XIRP2: variants seen among roughly 807,000 people sequenced by gnomAD.
XIRP2 encodes xin actin binding repeat containing 2.
Under a neutral mutation model 277.0 loss-of-function variants are expected in XIRP2, and 236 were observed. The ratio of observed to expected loss-of-function variants is 0.85; its 90% CI spans 0.77 to 0.95. The LOEUF (loss-of-function observed/expected upper bound fraction) is 0.95, where lower values mean the gene tolerates loss of function less well. Ranked by LOEUF, XIRP2 falls within the 40% of genes least tolerant of loss-of-function variation. XIRP2 has a pLI of 0.00. For synonymous variants in XIRP2, 1,490 were observed against 1,416.5 expected (o/e 1.05, Z -1.17); for missense variants, 4,640 against 4,157.5 (o/e 1.12, Z -3.19).
In XIRP2 at chr2:167,248,960, C is replaced by T. The variant is rs1456895639; in HGVS notation, c.7568C>T (p.Ser2523Leu). 3 of 1,613,612 alleles carry T rather than the reference C, an allele frequency of 1.9e-6. No homozygotes were observed. Among genetic ancestry groups the T allele is most frequent in the Non-Finnish European group, 2.5e-6 (3 of 1,179,796 alleles). ...ATTGCGCCTCTTATAAAATCTCATT[C>T]ATTTCCAGAGAGTTCAGGACAACAA... Reference protein sequence around the residue: ...KQIAPLIKSHSFPESSGQQNP... With the variant: ...KQIAPLIKSHLFPESSGQQNP... Residue 2523 changes from serine to leucine, a missense_variant, in exon 9 of 11, where the codon TCA becomes TTA. Transcript: ENST00000409195.
chr2:167,122,845 A>T (rs1009661896), intron 2 of XIRP2, among the ~76,000 whole-genome samples: 2 of 152,170 alleles, frequency 1.3e-5, no homozygotes, highest in African/African-American at 4.8e-5. Flanking sequence ...AACATGTCTT[A>T]CTGCATGTGT....
intron 2 of XIRP2, among the ~76,000 whole-genome samples, chr2:166,987,782 C>T (rs925554456): frequency 1.3e-5 from 2 of 152,100 alleles, no homozygotes; most frequent in African/African-American, 4.8e-5. Flanking sequence ...TGAAGGAGTT[C>T]TCAATGTTCT....
At chr2:167,044,161 T>A (rs901801977) in intron 2 of XIRP2, among the ~76,000 whole-genome samples, 2 of 151,886 alleles carry the variant, frequency 1.3e-5, no homozygotes, top group Non-Finnish European at 2.9e-5. Flanking sequence ...CAAACAGAAT[T>A]AAAAGCAAAA....
chr2:166,934,752 C>T (rs1331781989), intron 2 of XIRP2, among the ~76,000 whole-genome samples: 2 of 152,100 alleles, frequency 1.3e-5, no homozygotes, highest in Admixed American at 6.6e-5. Flanking sequence ...GTGGCTCACA[C>T]CTGTAAACCC....
chr2:166,956,334 C>A (rs1686160156), intron 2 of XIRP2, among the ~76,000 whole-genome samples: 3 of 151,742 alleles, frequency 2.0e-5, no homozygotes, highest in Non-Finnish European at 4.4e-5. Context: ...TTGCTAATAT[C>A]CTTTGTTAAC....
In XIRP2 at chr2:167,087,777, G is replaced by A. The variant is rs370129384; in HGVS notation, c.409-48132G>A. On this transcript the variant is annotated intron_variant, in intron 2 of 10. Coordinates refer to ENST00000409195, the MANE Select transcript of XIRP2 (RefSeq NM_152381.6). ...TGACCCCTTGCGCTTCCCAAGTGAG[G>A]CAATGCCTCGCCCTGCTTCGGCTCG... 1.4e-3 allele frequency among the ~76,000 whole-genome samples: 216 copies of A among 151,820 alleles called. 8 individuals carry two copies. In the East Asian group the frequency reaches 0.037, roughly 26 times the overall value.
In XIRP2 at chr2:166,888,575, A is replaced by G. The variant is rs1684015392; in HGVS notation, c.-19+18A>G. On this transcript the variant is annotated intron_variant, in intron 1 of 10. Coordinates refer to ENST00000409195, the MANE Select transcript of XIRP2 (RefSeq NM_152381.6). ...GAAAAAAGGTAAGATTTTCCTAAGA[A>G]AAACCACTTCTTTCATAATTTTTTC... 6.6e-6 allele frequency: 1 copy of G among 152,190 alleles called. No homozygotes were observed. 9.4% of individuals were successfully genotyped at this position (152,190 alleles called of 1,614,324 possible).
Position 166,963,269 on chromosome 2 carries a change from TTTA to T in XIRP2, c.408+59381_408+59383del, listed in dbSNP as rs1165174281. 2.6e-5 allele frequency among the ~76,000 whole-genome samples: 4 copies of T among 151,508 alleles called. No homozygotes were observed. In the East Asian group the frequency reaches 7.9e-4, roughly 30 times the overall value. On this transcript the variant is annotated intron_variant, in intron 2 of 10. Transcript: ENST00000409195. ...ATAGCAGTGGATACATATATGACTA[TTTA>T]TATATTTATTTAGCAGTCCTTTTAT...
At position 167,258,808 on chromosome 2, in the gene XIRP2, T is replaced by C; in HGVS notation, c.*991T>C. The C allele has an allele frequency of 1.2e-6, 2 of 1,613,138 alleles. No individual in the cohort carries two copies. Among genetic ancestry groups the C allele is most frequent in the Admixed American group, 1.7e-5 (1 of 59,828 alleles). ...AATATGAAATTGAGAAGTTAGAAAA[T>C]ACATCTAGAATCTCAGAGTTACTTG... On this transcript the variant is annotated 3_prime_UTR_variant, in exon 11 of 11. Transcript: ENST00000409195.
chr2:167,054,762 C>T (rs1223412252), intron 2 of XIRP2, among the ~76,000 whole-genome samples: 1 of 151,958 alleles, frequency 6.6e-6, no homozygotes, highest in East Asian at 1.9e-4. Flanking sequence ...TAGAGTTAAC[C>T]TTAATTGGGA....
At chr2:167,214,982 T>C (rs73029722) in intron 4 of XIRP2, among the ~76,000 whole-genome samples, 2,929 of 152,318 alleles carry the variant, frequency 0.019, 52 homozygotes, top group African/African-American at 0.05. Flanking sequence ...AGCATAATAC[T>C]AAGGCTTGCC....
Position 167,244,660 on chromosome 2 carries a change from G to GA in XIRP2, c.3269dup (p.Asp1090GlufsTer6). 1 of 1,613,466 alleles carries GA rather than the reference G, an allele frequency of 6.2e-7. No homozygotes were observed. Among genetic ancestry groups the GA allele is most frequent in the East Asian group, 2.2e-5 (1 of 44,820 alleles). On this transcript the variant is annotated frameshift_variant, in exon 9 of 11. Transcript: ENST00000409195. LOFTEE classifies it high-confidence loss of function. The stretch of plus-strand genomic sequence containing the variant: ...ACAAACTAGAGATATTGTTAAAGGG[G>GA]ATGTCAAAACCTGTAAATGGCTTTT...
intron 2 of XIRP2, among the ~76,000 whole-genome samples, chr2:167,010,354 A>T (rs996828556): frequency 4.0e-5 from 6 of 151,396 alleles, no homozygotes; most frequent in African/African-American, 1.5e-4. Flanking sequence ...TGTTTTTCTC[A>T]GGTTTGTCAA....
chr2:166,936,649 G>A (rs1411492767), intron 2 of XIRP2, among the ~76,000 whole-genome samples: 2 of 152,206 alleles, frequency 1.3e-5, no homozygotes, highest in Non-Finnish European at 2.9e-5. Context: ...AGTTGTCCCA[G>A]AACCATTTAT....
At chr2:167,163,422 T>C (rs1054908914) in intron 3 of XIRP2, among the ~76,000 whole-genome samples, 1 of 152,228 alleles carries the variant, frequency 6.6e-6, no homozygotes, top group Admixed American at 6.5e-5. Flanking sequence ...ACTGATGATA[T>C]TGAACATTTT....
At chr2:167,022,046 A>G (rs772305458) in intron 2 of XIRP2, among the ~76,000 whole-genome samples, 5 of 152,142 alleles carry the variant, frequency 3.3e-5, no homozygotes, top group African/African-American at 9.7e-5. Flanking sequence ...TTCATGTAAT[A>G]TATTAATGAT....
intron 2 of XIRP2, among the ~76,000 whole-genome samples, chr2:167,103,738 C>G (rs1690544851): frequency 6.6e-6 from 1 of 152,014 alleles, no homozygotes; most frequent in African/African-American, 2.4e-5. Flanking sequence ...AACACTTTTG[C>G]TAAATGGAAT....
chr2:167,118,252 G>A (rs7585980), intron 2 of XIRP2, among the ~76,000 whole-genome samples: 9,143 of 151,986 alleles, frequency 0.06, 517 homozygotes, highest in African/African-American at 0.15. Context: ...GGCCGTGATG[G>A]GCAGATTGCC....
intron 7 of XIRP2, among the ~76,000 whole-genome samples, chr2:167,241,225 C>G (rs148698258): frequency 3.7e-4 from 54 of 147,772 alleles, no homozygotes; most frequent in Admixed American, 3.5e-3. Context: ...GTTTTGCTAC[C>G]CTGAAGAGCT....
Sources: gnomAD v4.1 joint callset for allele counts (sites outside exome capture counted in the v4.1 genomes callset) on GRCh38, gnomAD v4.1.1 for gene constraint, MANE v1.5 for transcripts, NCBI Gene and HGNC (gene_info 2026-07-23, HGNC 2026-07-21) for gene names.